The following TAMM41 variants were observed in gnomAD, a reference collection of about 807,000 sequenced individuals.
The protein encoded by TAMM41 is TAM41 mitochondrial translocator assembly and maintenance homolog.
Under a neutral mutation model 44.1 loss-of-function variants are expected in TAMM41, and 36 were observed. The observed-to-expected ratio is 0.82, with a 90% CI of 0.63 to 1.08. The LOEUF (loss-of-function observed/expected upper bound fraction) is 1.08, where lower values mean the gene tolerates loss of function less well. Ranked by LOEUF, TAMM41 falls within the 50% of genes least tolerant of loss-of-function variation. The pLI is 0.00. For missense variants in TAMM41, 417 were observed against 404.3 expected, an observed-to-expected ratio of 1.03 and a Z score of -0.27; for synonymous variants, 164 against 153.1, an observed-to-expected ratio of 1.07 and a Z score of -0.53.
At chr3:11,729,623 C>G in the TAMM41 span, among the ~76,000 whole-genome samples, 1 of 134,040 alleles carries the variant, frequency 7.5e-6, no homozygotes, top group South Asian at 2.5e-4. Flanking sequence ...TCCAGTGGTG[C>G]CATCTCGGCT....
chr3:11,846,867 G>A lies in TAMM41; in HGVS notation c.-231C>T. 3.7e-6 allele frequency: 2 copies of A among 546,172 alleles called. No individual in the cohort carries two copies. The highest frequency in any genetic ancestry group is 3.2e-5 in the East Asian group (1 of 31,078). 33.8% of individuals were successfully genotyped at this position (546,172 alleles called of 1,614,324 possible). A position where few individuals can be genotyped will look rare whatever the true frequency, so the allele number is the denominator to read the frequency against. Reference sequence around the variant, plus strand: ...AGATAGGCTCGGGTGGGCGGCGGTCGCACAGGCAGAGCTTCCGTCCCTTGC... The same window carrying A: ...AGATAGGCTCGGGTGGGCGGCGGTCACACAGGCAGAGCTTCCGTCCCTTGC... On this transcript the variant is annotated 5_prime_UTR_variant, in exon 1 of 8. Transcript: ENST00000455809.
chr3:11,724,551 G>A, the TAMM41 span, among the ~76,000 whole-genome samples: 2 of 152,108 alleles, frequency 1.3e-5, no homozygotes. Context: ...GAGTAGCTAA[G>A]GTAGCAGGCG....
intron 6 of TAMM41, 89 bp from the exon 7 acceptor site, chr3:11,807,984 C>A (rs1559279509): frequency 2.1e-6 from 3 of 1,448,590 alleles, no homozygotes; most frequent in Non-Finnish European, 1.8e-6. Context: ...ACTAAATATT[C>A]TTTCTAGTCA....
At chr3:11,788,473 G>T (rs1440229583), downstream of TAMM41, among the ~76,000 whole-genome samples, 3 of 152,126 alleles carry the variant, frequency 2.0e-5, no homozygotes, top group Non-Finnish European at 1.5e-5. Flanking sequence ...ACTTTTTGTA[G>T]TGATGTGCTC....
At chr3:11,748,199 C>A in the TAMM41 span, among the ~76,000 whole-genome samples, 1 of 151,982 alleles carries the variant, frequency 6.6e-6, no homozygotes, top group Admixed American at 6.6e-5. Flanking sequence ...ATGAATCAAA[C>A]ACGAGTATCT....
chr3:11,829,824 G>C lies in TAMM41; in HGVS notation c.452C>G (p.Ser151Ter). 1.2e-6 allele frequency: 2 copies of C among 1,614,170 alleles called. No individual in the cohort carries two copies. The highest frequency in any genetic ancestry group is 1.7e-6 in the Non-Finnish European group (2 of 1,180,016). The change falls in exon 4 of 8, where the codon TCA (serine) becomes TGA (stop). Residue 151 changes from serine to a stop codon, truncating the protein, a stop_gained. Coordinates refer to ENST00000455809, the MANE Select transcript of TAMM41 (RefSeq NM_001284401.2). LOFTEE classifies it high-confidence loss of function. ...ISVNEDVTLR[S>*]ALDRNLKSAV... is the part of the protein sequence containing the mutation. ...ACTCTTCAGATTTCTATCGAGGGCT[G>C]ATCTAAGAGTGACATCCTCGTTCAC...
At chr3:11,840,096 C>G (rs1285147326) in intron 2 of TAMM41, among the ~76,000 whole-genome samples, 2 of 152,156 alleles carry the variant, frequency 1.3e-5, no homozygotes, top group African/African-American at 4.8e-5. Context: ...CCCAACCAAT[C>G]AGCAGCACCC....
In TAMM41 at chr3:11,792,875, C is replaced by T. The variant is rs143257782; in HGVS notation, c.938-2294G>A. On this transcript the variant is annotated intron_variant, in intron 7 of 7. Transcript: ENST00000455809. Reference sequence around the variant, plus strand: ...AGGAGATCAAGACCAACCTGGCCAACATGGTGAAACCCCGTCTCTACTAAA... The same window carrying T: ...AGGAGATCAAGACCAACCTGGCCAATATGGTGAAACCCCGTCTCTACTAAA... 5.5e-3 allele frequency among the ~76,000 whole-genome samples: 839 copies of T among 152,152 alleles called. 9 individuals carry two copies. The highest frequency in any genetic ancestry group is 0.019 in the African/African-American group (798 of 41,498).
the TAMM41 span, among the ~76,000 whole-genome samples, chr3:11,767,024 C>A: frequency 7.2e-5 from 11 of 152,226 alleles, no homozygotes; most frequent in African/African-American, 2.6e-4. Context: ...AATTTCCCAA[C>A]CAGGATATTG....
At chr3:11,725,421 TTC>T in the TAMM41 span, among the ~76,000 whole-genome samples, 1 of 86,146 alleles carries the variant, frequency 1.2e-5, no homozygotes, top group Non-Finnish European at 2.5e-5. Flanking sequence ...CTTCTTCTTC[TTC>T]TTTCCTCCTC....
intron 7 of TAMM41, chr3:11,807,571 A>C (rs946968269): frequency 5.0e-5 from 77 of 1,535,788 alleles, no homozygotes; most frequent in Non-Finnish European, 5.9e-5. Flanking sequence ...TGAGGGAAAA[A>C]CCCTGCACAC....
rs56074407 is a variant in TAMM41 at position 11,814,955 on chromosome 3, C to T, written c.708+2237G>A. Reference sequence around the variant, plus strand: ...CTCTAGCCAGGGCAACTGAGCAAGGCCCTGTCAAAAAAGAGAAAGAAAGAA... The same window carrying T: ...CTCTAGCCAGGGCAACTGAGCAAGGTCCTGTCAAAAAAGAGAAAGAAAGAA... On this transcript the variant is annotated intron_variant, in intron 5 of 7. Coordinates refer to ENST00000455809, the MANE Select transcript of TAMM41 (RefSeq NM_001284401.2). 5.1e-3 allele frequency among the ~76,000 whole-genome samples: 770 copies of T among 151,880 alleles called. 10 individuals carry two copies. The highest frequency in any genetic ancestry group is 0.017 in the African/African-American group (705 of 41,414).
the TAMM41 span, among the ~76,000 whole-genome samples, chr3:11,759,635 G>GT: frequency 6.6e-6 from 1 of 152,100 alleles, no homozygotes; most frequent in East Asian, 1.9e-4. Context: ...CACCTTCCAG[G>GT]TTTTAGCGTC....
At chr3:11,758,609 C>T in the TAMM41 span, among the ~76,000 whole-genome samples, 9 of 152,292 alleles carry the variant, frequency 5.9e-5, no homozygotes, top group Admixed American at 6.5e-5. Flanking sequence ...CCTTGGCCTC[C>T]CAAAGTGCTG....
At chr3:11,753,323 A>G in the TAMM41 span, among the ~76,000 whole-genome samples, 8 of 152,118 alleles carry the variant, frequency 5.3e-5, no homozygotes, top group African/African-American at 1.9e-4. Flanking sequence ...AGTCCCAGCT[A>G]CTTGGGAGGC....
At chr3:11,814,444 G>A (rs892635596) in intron 5 of TAMM41, among the ~76,000 whole-genome samples, 3 of 151,840 alleles carry the variant, frequency 2.0e-5, no homozygotes, top group African/African-American at 7.3e-5. Context: ...TAGTAGAAGT[G>A]TTAGAAAACC....
At chr3:11,809,126 A>G (rs551535482) in intron 6 of TAMM41, 1 of 294,782 alleles carries the variant, frequency 3.4e-6, no homozygotes, top group East Asian at 1.2e-4. Context: ...GACACATCAA[A>G]TGGAGTTGAT....
the TAMM41 span, among the ~76,000 whole-genome samples, chr3:11,742,599 T>C: frequency 6.7e-6 from 1 of 149,088 alleles, no homozygotes; most frequent in African/African-American, 2.6e-5. Context: ...CTTTTTTTTT[T>C]TTTTTTCCTG....
At position 11,792,183 on chromosome 3, in the gene TAMM41, T is replaced by TG. The variant is rs532619512; in HGVS notation, c.938-1603_938-1602insC. 1.5e-3 allele frequency among the ~76,000 whole-genome samples: 229 copies of TG among 152,112 alleles called. 3 individuals are homozygous for TG. The highest frequency in any genetic ancestry group is 5.1e-3 in the African/African-American group (213 of 41,450). On this transcript the variant is annotated intron_variant, in intron 7 of 7. Transcript: ENST00000455809. The stretch of plus-strand genomic sequence containing the variant: ...TGTCACCATGTAGCCATTTTTTTTT[T>TG]TTGTTGCTGCTAGTGGACAGAAATC...
Sources: allele counts gnomAD v4.1 joint callset (sites outside exome capture counted in the v4.1 genomes callset), GRCh38; gene constraint gnomAD v4.1.1; transcripts MANE v1.5; gene names NCBI Gene and HGNC (gene_info 2026-07-23, HGNC 2026-07-21).